Variants in SP3 observed in about 807,000 individuals in gnomAD.
SP3 encodes transcription factor Sp3.
In SP3, 10 loss-of-function variants were observed where a neutral mutation model predicts 70.3. That is an observed-to-expected ratio of 0.14 (90% confidence interval 0.09 to 0.24). SP3 has a LOEUF of 0.24. SP3 is among the 10% of genes least tolerant of loss of function. SP3 has a pLI of 1.00. For missense variants in SP3, 825 were observed against 914.6 expected, an observed-to-expected ratio of 0.90 and a Z score of 1.26; for synonymous variants, 402 against 333.5, an observed-to-expected ratio of 1.21 and a Z score of -2.24.
chr2:173,964,862 C>CA (rs1691241463), intron 1 of SP3: 1 of 493,368 alleles, frequency 2.0e-6, no homozygotes, highest in African/African-American at 2.1e-5. Flanking sequence ...CGCGCTCGCT[C>CA]CTCTCGCACC....
intron 4 of SP3, among the ~76,000 whole-genome samples, chr2:173,940,227 G>A (rs1009546210): frequency 6.6e-6 from 1 of 152,168 alleles, no homozygotes; most frequent in African/African-American, 2.4e-5. Context: ...TTTGGCACCA[G>A]GGACCAGTTT....
chr2:173,965,009 G>A (rs1394031782), intron 1 of SP3, 156 bp downstream of exon 1: 11 of 933,420 alleles, frequency 1.2e-5, no homozygotes, highest in African/African-American at 1.1e-4. Flanking sequence ...TGGCGGGGAG[G>A]GGAGGGAGGC....
chr2:173,926,619 C>A (rs1689917156), intron 4 of SP3, among the ~76,000 whole-genome samples: 1 of 152,052 alleles, frequency 6.6e-6, no homozygotes, highest in South Asian at 2.1e-4. Flanking sequence ...GGCAACACAG[C>A]AAGACCAGTC....
intron 4 of SP3, among the ~76,000 whole-genome samples, chr2:173,938,459 C>CAACA (rs1690268562): frequency 2.2e-5 from 1 of 46,384 alleles, no homozygotes; most frequent in Non-Finnish European, 4.2e-5. Flanking sequence ...AACTTTGCCT[C>CAACA]AAAAAAAAAA....
chr2:173,950,388 T>C (rs1413229770), intron 4 of SP3, among the ~76,000 whole-genome samples: 1 of 152,104 alleles, frequency 6.6e-6, no homozygotes, highest in Non-Finnish European at 1.5e-5. Flanking sequence ...TTATCAAAAG[T>C]AAAGTGCAGG....
At position 173,904,856 on chromosome 2, in the gene SP3, G is replaced by T. The variant is rs988178786; in HGVS notation, c.*5085C>A. Among the ~76,000 whole-genome samples the T allele has an allele frequency of 6.6e-6, 1 of 152,136 alleles. No individual in the cohort carries two copies. Among genetic ancestry groups the T allele is most frequent in the African/African-American group, 2.4e-5 (1 of 41,430 alleles). ...GAGGCTTAGACTTTTTTTTGTGGGGGAAGGATGGAGGGGAGAAATAACTGC... is the reference window on the plus strand; with the variant it reads ...GAGGCTTAGACTTTTTTTTGTGGGGTAAGGATGGAGGGGAGAAATAACTGC... On this transcript the variant is annotated 3_prime_UTR_variant, in exon 7 of 7. Coordinates refer to ENST00000310015, the MANE Select transcript of SP3 (RefSeq NM_003111.5).
rs1690845001 is a variant in SP3 at position 173,955,328 on chromosome 2, A to G, written c.1184T>C (p.Val395Ala). Residue 395 changes from valine (V) to alanine (A), a missense_variant, in exon 4 of 7, where the codon GTA (valine) becomes GCA (alanine). Transcript: ENST00000310015. Reference sequence around the variant, plus strand: ...AGACTCTTGAAGTTGTAGATGCTGTACAACAGGCTGTGCTGTAGAAACCTG... The same window carrying G: ...AGACTCTTGAAGTTGTAGATGCTGTGCAACAGGCTGTGCTGTAGAAACCTG... ...NIQVSTAQPVVQHLQLQESQQ... is the reference protein window; with the variant it reads ...NIQVSTAQPVAQHLQLQESQQ... 1.9e-6 allele frequency: 3 copies of G among 1,614,066 alleles called. No homozygotes were observed. Among genetic ancestry groups the G allele is most frequent in the African/African-American group, 2.7e-5 (2 of 75,036 alleles).
chr2:173,918,972 A>G (rs1185665678), intron 4 of SP3, among the ~76,000 whole-genome samples, 187 bp from the exon 5 acceptor site: 1 of 152,156 alleles, frequency 6.6e-6, no homozygotes. Context: ...TTGGAGAGTA[A>G]TCTCCTGTAT....
chr2:173,964,622 G>A, intron 1 of SP3, 69 bp from the exon 2 acceptor site: 1 of 628,432 alleles, frequency 1.6e-6, no homozygotes, highest in African/African-American at 2.0e-5. Flanking sequence ...GGGGCCCGCG[G>A]GCCGAAGCGA....
At chr2:173,961,648 A>T (rs1448467539) in intron 3 of SP3, among the ~76,000 whole-genome samples, 1 of 152,222 alleles carries the variant, frequency 6.6e-6, no homozygotes, top group African/African-American at 2.4e-5. Context: ...CTTTTCTATA[A>T]ATTTAAAATT....
chr2:173,938,652 A>G (rs574270790), intron 4 of SP3, among the ~76,000 whole-genome samples: 2 of 152,180 alleles, frequency 1.3e-5, no homozygotes, highest in East Asian at 1.9e-4. Context: ...CATGTTAGCT[A>G]TAATACAAGA....
chr2:173,940,204 G>A (rs573328981), intron 4 of SP3, among the ~76,000 whole-genome samples: 3 of 152,066 alleles, frequency 2.0e-5, no homozygotes, highest in African/African-American at 4.8e-5. Flanking sequence ...CTAGGACAGC[G>A]GTCCCCAACC....
At chr2:173,959,755 A>G (rs1559111049) in intron 3 of SP3, among the ~76,000 whole-genome samples, 1 of 152,180 alleles carries the variant, frequency 6.6e-6, no homozygotes, top group African/African-American at 2.4e-5. Context: ...CTCAGTCTCA[A>G]AAAAATAAAA....
At chr2:173,943,582 C>T (rs1194012649) in intron 4 of SP3, among the ~76,000 whole-genome samples, 1 of 152,154 alleles carries the variant, frequency 6.6e-6, no homozygotes, top group Non-Finnish European at 1.5e-5. Flanking sequence ...CCTCCCACTT[C>T]GGTATTCCAA....
At chr2:173,961,940 T>TG (rs1553519077) in intron 3 of SP3, among the ~76,000 whole-genome samples, 4 of 119,518 alleles carry the variant, frequency 3.3e-5, no homozygotes, top group Non-Finnish European at 6.9e-5. Context: ...TTTGGGTTTT[T>TG]TTTTTTTTTT....
intron 3 of SP3, among the ~76,000 whole-genome samples, chr2:173,958,172 A>C (rs1690953600): frequency 3.9e-5 from 6 of 152,116 alleles, no homozygotes; most frequent in Admixed American, 3.9e-4. Context: ...TTATCAAAGA[A>C]TATAGTAACT....
chr2:173,931,609 TG>T (rs1264617700), intron 4 of SP3, among the ~76,000 whole-genome samples: 9 of 152,090 alleles, frequency 5.9e-5, no homozygotes, highest in Admixed American at 5.9e-4. Context: ...CCCAAAGTGC[TG>T]GGGTTACAGG....
At chr2:173,948,883 C>A (rs1559105284) in intron 4 of SP3, among the ~76,000 whole-genome samples, 1 of 152,022 alleles carries the variant, frequency 6.6e-6, no homozygotes, top group African/African-American at 2.4e-5. Context: ...CCATAGCATG[C>A]AATACATACA....
intron 4 of SP3, among the ~76,000 whole-genome samples, chr2:173,941,071 C>T (rs1690358722): frequency 6.6e-6 from 1 of 151,410 alleles, no homozygotes; most frequent in Admixed American, 6.6e-5. Context: ...AAACCAACCT[C>T]CTCAACCAGG....
Sources: gnomAD v4.1 joint callset for allele counts (sites outside exome capture counted in the v4.1 genomes callset) on GRCh38, gnomAD v4.1.1 for gene constraint, MANE v1.5 for transcripts, NCBI Gene and HGNC (gene_info 2026-07-23, HGNC 2026-07-21) for gene names.